Variants in WDR35 observed in about 807,000 individuals in gnomAD.
WDR35 encodes the protein WD repeat domain 35.
A neutral mutation model predicts 158.3 loss-of-function variants in WDR35; 118 were observed. That is an observed-to-expected ratio of 0.75 (90% CI 0.64 to 0.87). The LOEUF (loss-of-function observed/expected upper bound fraction) is 0.87, where lower values mean the gene tolerates loss of function less well. WDR35 is among the 40% of genes least tolerant of loss of function. The pLI is 0.00. For synonymous variants in WDR35, 448 were observed against 476.1 expected, an observed-to-expected ratio of 0.94 and a Z score of 0.77; for missense variants, 1,263 against 1,405.8, an observed-to-expected ratio of 0.90 and a Z score of 1.62.
chr2:19,956,915 G>T (rs181590463), intron 11 of WDR35, among the ~76,000 whole-genome samples: 1 of 152,140 alleles, frequency 6.6e-6, no homozygotes, highest in African/African-American at 2.4e-5. Flanking sequence ...CACCGCGCCC[G>T]GCCAATAATA....
chr2:19,974,595 T>C lies in WDR35; in HGVS notation c.609A>G (p.Gly203=). 1 of 1,613,826 alleles carries C rather than the reference T, an allele frequency of 6.2e-7. No individual in the cohort carries two copies. The highest frequency in any genetic ancestry group is 8.5e-7 in the Non-Finnish European group (1 of 1,179,882). ...AATGAATTCCAGCAATGCTGATAGC[T>C]CCAGTGACATTCACCAAACAACTCA... is the stretch of plus-strand genomic sequence containing the variant. The part of the protein sequence containing the change: ...MKLSCLVNVT[G]AISIAGIHWY... The change falls in exon 7 of 27, where the codon GGA becomes GGG. Residue 203 remains glycine, a synonymous_variant. Transcript: ENST00000281405.
chr2:19,933,847 T>C (rs1349028787), intron 21 of WDR35, among the ~76,000 whole-genome samples: 1 of 152,184 alleles, frequency 6.6e-6, no homozygotes, highest in Non-Finnish European at 1.5e-5. Context: ...AAAGCCTTTA[T>C]ATCAATTGGT....
intron 8 of WDR35, among the ~76,000 whole-genome samples, chr2:19,971,423 A>T (rs1485010758): frequency 6.6e-6 from 1 of 151,998 alleles, no homozygotes; most frequent in African/African-American, 2.4e-5. Flanking sequence ...TCTCTGTTGC[A>T]CTCTCTTTGC....
chr2:19,949,116 G>A (rs1244739925), intron 13 of WDR35, among the ~76,000 whole-genome samples: 1 of 152,134 alleles, frequency 6.6e-6, no homozygotes, highest in Non-Finnish European at 1.5e-5. Flanking sequence ...CACCACTGAA[G>A]AAAGCTGAGT....
chr2:19,946,755 C>A (rs1164802734), intron 14 of WDR35, among the ~76,000 whole-genome samples, 185 bp from the exon 15 acceptor site: 1 of 152,100 alleles, frequency 6.6e-6, no homozygotes, highest in Non-Finnish European at 1.5e-5. Context: ...AAACCTTTTT[C>A]AAACAGCTGA....
rs749312211 is a variant in WDR35 at position 19,914,035 on chromosome 2, A to G, written c.3362+2T>C. 2.5e-6 allele frequency: 4 copies of G among 1,613,970 alleles called. No individual in the cohort carries two copies. Among genetic ancestry groups the G allele is most frequent in the East Asian group, 4.5e-5 (2 of 44,872 alleles). On this transcript the variant is annotated splice_donor_variant, in intron 26 of 26. Transcript: ENST00000281405. LOFTEE classifies it high-confidence loss of function. Reference sequence around the variant, plus strand: ...GGCATCCACTAATTAAAATTAGCCTACCCTTCCATAAGGCTGTCCAATTCA... The same window carrying G: ...GGCATCCACTAATTAAAATTAGCCTGCCCTTCCATAAGGCTGTCCAATTCA...
At chr2:19,936,837 T>C (rs1228981087) in intron 19 of WDR35, among the ~76,000 whole-genome samples, 1 of 152,174 alleles carries the variant, frequency 6.6e-6, no homozygotes, top group Non-Finnish European at 1.5e-5. Flanking sequence ...GTGAGAAAAA[T>C]ATTTCTGTTC....
At chr2:19,925,149 C>T (rs1670316899) in intron 25 of WDR35, among the ~76,000 whole-genome samples, 1 of 152,178 alleles carries the variant, frequency 6.6e-6, no homozygotes, top group Admixed American at 6.5e-5. Flanking sequence ...GGAACCCCCG[C>T]AAAGGGTCTG....
intron 25 of WDR35, among the ~76,000 whole-genome samples, chr2:19,927,052 C>T (rs1429320215): frequency 4.6e-5 from 7 of 152,162 alleles, no homozygotes; most frequent in Non-Finnish European, 8.8e-5. Flanking sequence ...GAAAGTGGGA[C>T]AACCAGTCAC....
rs1195197901 is a variant in WDR35 at position 19,934,362 on chromosome 2, T to C, written c.2548-851A>G. 6.6e-6 allele frequency among the ~76,000 whole-genome samples: 1 copy of C among 152,142 alleles called. No homozygotes were observed. Among genetic ancestry groups the C allele is most frequent in the Non-Finnish European group, 1.5e-5 (1 of 68,026 alleles). Reference sequence around the variant, plus strand: ...CTCTCAATACTCTGGTGCAATTTCTTAACATCTTTGTCCTTTGAATATATA... The same window carrying C: ...CTCTCAATACTCTGGTGCAATTTCTCAACATCTTTGTCCTTTGAATATATA... On this transcript the variant is annotated intron_variant, in intron 21 of 26. Transcript: ENST00000281405. The surrounding 1 kb of genome is among the most constrained non-coding windows in gnomAD (Gnocchi z 4.6).
At chr2:19,919,784 A>G (rs986637599) in intron 25 of WDR35, among the ~76,000 whole-genome samples, 10 of 152,236 alleles carry the variant, frequency 6.6e-5, no homozygotes, top group East Asian at 1.9e-4. Context: ...CAAAAAATCA[A>G]TGAATCCAGG....
Position 19,980,652 on chromosome 2 carries a change from C to A in WDR35, c.307+39G>T, listed in dbSNP as rs189132757. ...CCAAATACTGTGATCCAGATGCCAA[C>A]TTGTGAAAAATTAAATAATCTCTCC... On this transcript the variant is annotated intron_variant, in intron 4 of 26. Coordinates refer to ENST00000281405, the MANE Select transcript of WDR35 (RefSeq NM_020779.4). 8.4e-4 allele frequency: 1,308 copies of A among 1,565,704 alleles called. 4 individuals are homozygous for A. Among genetic ancestry groups the A allele is most frequent in the Non-Finnish European group, 1.1e-3 (1,224 of 1,136,200 alleles).
rs768438031 is a variant in WDR35 at position 19,974,443 on chromosome 2, T to A, written c.736+25A>T. The A allele has an allele frequency of 7.6e-5, 118 of 1,554,084 alleles. 4 individuals carry two copies. Among genetic ancestry groups the A allele is most frequent in the Middle Eastern group, 1.7e-4 (1 of 5,852 alleles). The stretch of plus-strand genomic sequence containing the variant: ...AAAAAAAAAATAGAAATTAAAAAAA[T>A]TTTTTAAACAGAAAAATTCCTTACT... On this transcript the variant is annotated intron_variant, in intron 7 of 26. Transcript: ENST00000281405.
intron 2 of WDR35, 132 bp from the exon 3 acceptor site, chr2:19,982,666 C>T (rs1046858226): frequency 1.2e-5 from 12 of 969,016 alleles, no homozygotes; most frequent in African/African-American, 1.7e-5. Context: ...ATATTTTTCT[C>T]ATGGTATAAA....
At chr2:19,929,207 T>C (rs926398963) in intron 25 of WDR35, among the ~76,000 whole-genome samples, 3 of 152,056 alleles carry the variant, frequency 2.0e-5, no homozygotes, top group African/African-American at 7.2e-5. Context: ...TCAATATATA[T>C]GAAAGACGAT....
chr2:19,938,459 C>A (rs1572330776), intron 17 of WDR35, 58 bp from the exon 18 acceptor site: 9 of 1,552,850 alleles, frequency 5.8e-6, no homozygotes, highest in East Asian at 4.7e-5. Context: ...GTATGTGTTT[C>A]TTTTTTATAT....
intron 21 of WDR35, among the ~76,000 whole-genome samples, chr2:19,933,926 C>T (rs1670605608): frequency 2.0e-5 from 3 of 152,020 alleles, no homozygotes; most frequent in Admixed American, 1.3e-4. Context: ...CCCTCAAATA[C>T]CTCTATAAAG....
intron 13 of WDR35, among the ~76,000 whole-genome samples, chr2:19,950,018 G>GA (rs958834050): frequency 6.6e-6 from 1 of 152,078 alleles, no homozygotes; most frequent in African/African-American, 2.4e-5. Context: ...TTCAGAAATT[G>GA]AAAAAACTCA....
Position 19,932,410 on chromosome 2 carries a change from A to G in WDR35, c.2696T>C (p.Met899Thr). Reference protein sequence around the residue: ...KAVELAKNHSMKEIGSLLARY... With the variant: ...KAVELAKNHSTKEIGSLLARY... ...AGCTAACAGAGATCCAATTTCTTTC[A>G]TACTATGATTTTTAGCCAATTCAAC... is the stretch of plus-strand genomic sequence containing the variant. Residue 899 changes from methionine (M) to threonine (T), a missense_variant, in exon 23 of 27, where the codon ATG (methionine) becomes ACG (threonine). Met to Thr is a moderately conservative substitution (Grantham distance 81). Coordinates refer to ENST00000281405, the MANE Select transcript of WDR35 (RefSeq NM_020779.4). 1 of 1,613,330 alleles carries G rather than the reference A, an allele frequency of 6.2e-7. No homozygotes were observed. Among genetic ancestry groups the G allele is most frequent in the Non-Finnish European group, 8.5e-7 (1 of 1,179,540 alleles).
Sources: gnomAD v4.1 joint callset for allele counts (sites outside exome capture counted in the v4.1 genomes callset) on GRCh38, gnomAD v4.1.1 for gene constraint, Gnocchi (gnomAD v3.1) non-coding constraint, MANE v1.5 for transcripts, NCBI Gene and HGNC (gene_info 2026-07-23, HGNC 2026-07-21) for gene names.